The following RPA3 variants were observed in gnomAD, a reference collection of about 807,000 sequenced individuals.
The protein encoded by RPA3 is replication protein A3, also known as replication protein A 14 kDa subunit.
A neutral mutation model predicts 13.7 loss-of-function variants in RPA3; 24 were observed. That is an observed-to-expected ratio of 1.75 (90% confidence interval 1.27 to 2.46). RPA3 has a LOEUF of 2.46. RPA3 is among the 30% of genes most tolerant of loss of function. The probability of loss-of-function intolerance (pLI) is 0.00; values close to 1 mark genes in which losing one functional copy is unlikely to be tolerated. For missense variants in RPA3, 183 were observed against 151.0 expected, an observed-to-expected ratio of 1.21 and a Z score of -1.11; for synonymous variants, 59 against 51.2, an observed-to-expected ratio of 1.15 and a Z score of -0.65.
At chr7:7,681,739 G>A (rs371308563) in intron 4 of RPA3, among the ~76,000 whole-genome samples, 2 of 151,992 alleles carry the variant, frequency 1.3e-5, no homozygotes, top group Non-Finnish European at 2.9e-5. Flanking sequence ...GGCACTATTC[G>A]TAATTACCAG....
chr7:7,708,130 G>A (rs981093910), intron 2 of RPA3, among the ~76,000 whole-genome samples: 6 of 152,024 alleles, frequency 3.9e-5, no homozygotes, highest in African/African-American at 1.2e-4. Flanking sequence ...TTGGATCATG[G>A]TTCTGCTGCG....
intron 2 of RPA3, among the ~76,000 whole-genome samples, chr7:7,702,807 T>C (rs1780493333): frequency 6.6e-6 from 1 of 152,180 alleles, no homozygotes; most frequent in East Asian, 1.9e-4. Flanking sequence ...GTTGTTGTTG[T>C]TTTTGGTTTG....
At chr7:7,697,530 C>T (rs1303346392) in intron 2 of RPA3, among the ~76,000 whole-genome samples, 2 of 152,194 alleles carry the variant, frequency 1.3e-5, no homozygotes, top group East Asian at 3.9e-4. Flanking sequence ...TTGTGGCAGT[C>T]CTGCTCAAAA....
At chr7:7,681,168 G>A (rs1779902384) in intron 4 of RPA3, among the ~76,000 whole-genome samples, 1 of 152,028 alleles carries the variant, frequency 6.6e-6, no homozygotes, top group African/African-American at 2.4e-5. Flanking sequence ...TCCTTATGTG[G>A]CCTTTATAAC....
intron 5 of RPA3, 200 bp downstream of exon 5, chr7:7,640,120 C>G (rs1470726617): frequency 1.7e-6 from 1 of 597,356 alleles, no homozygotes; most frequent in African/African-American, 1.9e-5. Flanking sequence ...CATTTGAAAA[C>G]ACTTTGTTTC....
intron 2 of RPA3, among the ~76,000 whole-genome samples, chr7:7,698,556 C>CT (rs1270661242): frequency 5.4e-4 from 81 of 151,198 alleles, no homozygotes; most frequent in African/African-American, 1.8e-3. Context: ...TTTTTCTTTT[C>CT]TTTTTTTTTG....
intron 4 of RPA3, among the ~76,000 whole-genome samples, chr7:7,678,419 T>C (rs1252729919): frequency 6.9e-6 from 1 of 144,436 alleles, no homozygotes; most frequent in African/African-American, 2.5e-5. Context: ...TAAAAAAATA[T>C]ATTTATATAT....
intron 4 of RPA3, among the ~76,000 whole-genome samples, chr7:7,669,648 C>G (rs761154399): frequency 1.3e-5 from 2 of 152,158 alleles, no homozygotes; most frequent in Non-Finnish European, 2.9e-5. Context: ...TCCCAAGACT[C>G]TTATTGTAAA....
In RPA3 at chr7:7,698,262, A is replaced by G. The variant is rs559494267; in HGVS notation, c.-1027-10934T>C. Among the ~76,000 whole-genome samples, 6 of 152,308 alleles carry G rather than the reference A, an allele frequency of 3.9e-5. No homozygotes were observed. The East Asian group carries it at 1.2e-3, about 29-fold the overall frequency. ...GACAGGGCAGATTTATTTCTGTGAG[A>G]AGATTGCAAAATATAACAGTTCCCA... On this transcript the variant is annotated intron_variant, in intron 2 of 7. Coordinates refer to ENST00000223129, the MANE Select transcript of RPA3 (RefSeq NM_002947.5).
chr7:7,660,456 T>C (rs1386071482), intron 4 of RPA3, among the ~76,000 whole-genome samples: 2 of 152,242 alleles, frequency 1.3e-5, no homozygotes, highest in East Asian at 3.8e-4. Context: ...TTCCTTTCCA[T>C]GTTTAGTGTT....
intron 4 of RPA3, among the ~76,000 whole-genome samples, chr7:7,663,273 G>T (rs368665267): frequency 8.4e-6 from 1 of 119,062 alleles, no homozygotes; most frequent in South Asian, 2.8e-4. Flanking sequence ...CTAAATCTAA[G>T]ATAGTTTTTT....
chr7:7,691,019 T>TGTAGA (rs1235163833), intron 2 of RPA3, among the ~76,000 whole-genome samples: 11 of 152,350 alleles, frequency 7.2e-5, no homozygotes, highest in African/African-American at 2.6e-4. Context: ...CCTTGAAGCA[T>TGTAGA]GTAGAGCTCA....
At chr7:7,665,111 T>A (rs568038920) in intron 4 of RPA3, among the ~76,000 whole-genome samples, 2 of 152,336 alleles carry the variant, frequency 1.3e-5, no homozygotes, top group East Asian at 3.9e-4. Context: ...ATTTGATATA[T>A]TTACATTAAC....
At chr7:7,665,753 A>G (rs1417108781) in intron 4 of RPA3, among the ~76,000 whole-genome samples, 3 of 150,520 alleles carry the variant, frequency 2.0e-5, no homozygotes, top group African/African-American at 7.3e-5. Context: ...ACTAGTTTGT[A>G]TTTTTGAGAA....
chr7:7,692,064 A>T (rs1323228531), intron 2 of RPA3, among the ~76,000 whole-genome samples: 5 of 152,216 alleles, frequency 3.3e-5, no homozygotes, highest in Non-Finnish European at 7.3e-5. Flanking sequence ...AACTGCAGTT[A>T]TTAACAGCTA....
At chr7:7,663,249 TTTGAAGCAA>T (rs1785520818) in intron 4 of RPA3, among the ~76,000 whole-genome samples, 1 of 151,292 alleles carries the variant, frequency 6.6e-6, no homozygotes, top group African/African-American at 2.4e-5. Context: ...GAACTTGCAG[TTTGAAGCAA>T]ACACCTAAAT....
chr7:7,666,669 TG>T (rs1779467065), intron 4 of RPA3, among the ~76,000 whole-genome samples: 1 of 152,168 alleles, frequency 6.6e-6, no homozygotes, highest in African/African-American at 2.4e-5. Context: ...TCATATTTTT[TG>T]CCCGGTTTTT....
intron 1 of RPA3, among the ~76,000 whole-genome samples, chr7:7,717,137 A>C (rs141725241): frequency 6.7e-6 from 1 of 148,726 alleles, no homozygotes. Context: ...GCTCACTGCA[A>C]CCTCCGTCTC....
chr7:7,668,845 T>G (rs1432372073), intron 4 of RPA3, among the ~76,000 whole-genome samples: 3 of 152,216 alleles, frequency 2.0e-5, no homozygotes, highest in African/African-American at 7.2e-5. Flanking sequence ...TCTGGCAGCT[T>G]AAGCCCTCAA....
Sources: allele counts gnomAD v4.1 joint callset (sites outside exome capture counted in the v4.1 genomes callset), GRCh38; gene constraint gnomAD v4.1.1; transcripts MANE v1.5; gene names NCBI Gene and HGNC (gene_info 2026-07-23, HGNC 2026-07-21).